The following RANGAP1 variants were observed in gnomAD, a reference collection of about 807,000 sequenced individuals.
The protein encoded by RANGAP1 is Ran GTPase activating protein 1.
Under a neutral mutation model 63.5 loss-of-function variants are expected in RANGAP1, and 38 were observed. That is an observed-to-expected ratio of 0.60 (90% CI 0.46 to 0.78). RANGAP1 has a LOEUF of 0.78. RANGAP1 is among the 30% of genes least tolerant of loss of function. The pLI is 0.00. For synonymous variants in RANGAP1, 329 were observed against 310.5 expected (o/e 1.06, Z -0.63); for missense variants, 630 against 740.3 (o/e 0.85, Z 1.73).
At chr22:41,252,159 C>T (rs1484281655) in intron 12 of RANGAP1, among the ~76,000 whole-genome samples, 1 of 151,932 alleles carries the variant, frequency 6.6e-6, no homozygotes, top group African/African-American at 2.4e-5. Context: ...GGTGAAACCT[C>T]GTCTCTACTA....
chr22:41,250,391 G>A (rs748342899), intron 13 of RANGAP1, among the ~76,000 whole-genome samples: 1 of 152,158 alleles, frequency 6.6e-6, no homozygotes, highest in Non-Finnish European at 1.5e-5. Context: ...TCCAGGAACC[G>A]TCCCCCTCGC....
chr22:41,296,684 C>T, the RANGAP1 span, among the ~76,000 whole-genome samples: 6 of 150,546 alleles, frequency 4.0e-5, no homozygotes, highest in Non-Finnish European at 8.8e-5. Flanking sequence ...TATATCAATG[C>T]TATGCATATA....
In RANGAP1 at chr22:41,264,736, G is replaced by A. The variant is rs143240677; in HGVS notation, c.408C>T (p.Leu136=). The A allele has an allele frequency of 1.2e-6, 2 of 1,614,108 alleles. No homozygotes were observed. The highest frequency in any genetic ancestry group is 2.2e-5 in the South Asian group (2 of 91,080). Reference sequence around the variant, plus strand: ...GCAGGGTGAAGCAGGCTGAGCTCTTGAGCAGGGCCTCGAAGCCTTGCACAC... The same window carrying A: ...GCAGGGTGAAGCAGGCTGAGCTCTTAAGCAGGGCCTCGAAGCCTTGCACAC... ...PDGVQGFEAL[L]KSSACFTLQE... The change falls in exon 5 of 16, where the codon CTC becomes CTT. Residue 136 remains leucine (L), a synonymous_variant. Coordinates refer to ENST00000356244, the MANE Select transcript of RANGAP1 (RefSeq NM_002883.4).
intron 11 of RANGAP1, 73 bp downstream of exon 11, chr22:41,254,235 C>G: frequency 6.4e-7 from 1 of 1,555,564 alleles, no homozygotes; most frequent in Non-Finnish European, 8.9e-7. Flanking sequence ...CCCCCTACCC[C>G]ATTGTGAAAG....
chr22:41,289,990 A>T (rs906159564), upstream of RANGAP1, among the ~76,000 whole-genome samples: 1 of 151,928 alleles, frequency 6.6e-6, no homozygotes, highest in African/African-American at 2.4e-5. Context: ...TACTAAAAAC[A>T]ATTAGCCAGG....
intron 4 of RANGAP1, among the ~76,000 whole-genome samples, chr22:41,266,197 G>T (rs1430133909): frequency 1.7e-5 from 2 of 117,662 alleles, no homozygotes; most frequent in South Asian, 5.9e-4. Flanking sequence ...GTGAGACTCC[G>T]CCTCAAAAAA....
intron 3 of RANGAP1, 138 bp from the exon 4 acceptor site, chr22:41,268,294 T>G: frequency 6.8e-6 from 5 of 731,344 alleles, no homozygotes; most frequent in South Asian, 6.8e-5. Context: ...TCGCTCTTGT[T>G]GCCCAGGCTG....
At chr22:41,281,983 G>C (rs2035517982) in intron 1 of RANGAP1, 2 of 152,202 alleles carry the variant, frequency 1.3e-5, no homozygotes, top group Admixed American at 6.6e-5. Context: ...AATTAGCAGG[G>C]TATGGTGGTG....
At chr22:41,301,002 G>C in the RANGAP1 span, among the ~76,000 whole-genome samples, 1 of 151,964 alleles carries the variant, frequency 6.6e-6, no homozygotes, top group Non-Finnish European at 1.5e-5. Context: ...TACTCTCCCT[G>C]ACCGCAAAAC....
chr22:41,288,567 G>T (rs1362158721), upstream of RANGAP1, among the ~76,000 whole-genome samples: 1 of 152,120 alleles, frequency 6.6e-6, no homozygotes, highest in Non-Finnish European at 1.5e-5. Flanking sequence ...TGATCCGCAG[G>T]CTCCCTTTTC....
intron 5 of RANGAP1, among the ~76,000 whole-genome samples, chr22:41,262,706 A>G (rs920769612): frequency 3.3e-5 from 5 of 152,200 alleles, no homozygotes; most frequent in Non-Finnish European, 7.3e-5. Context: ...AACTTCTGCC[A>G]AAGACCAGCC....
intron 3 of RANGAP1, among the ~76,000 whole-genome samples, chr22:41,270,196 A>C (rs1240016060): frequency 6.6e-6 from 1 of 151,594 alleles, no homozygotes; most frequent in African/African-American, 2.4e-5. Flanking sequence ...GCTAGAGTGC[A>C]ATGGCCTGAT....
At chr22:41,281,774 G>T (rs1454310370) in intron 1 of RANGAP1, 4 of 393,566 alleles carry the variant, frequency 1.0e-5, no homozygotes, top group African/African-American at 2.2e-5. Flanking sequence ...AGAAGATTTG[G>T]GTAGAAATGG....
chr22:41,278,174 G>A (rs531540635), intron 2 of RANGAP1, among the ~76,000 whole-genome samples: 25 of 152,168 alleles, frequency 1.6e-4, no homozygotes, highest in Admixed American at 9.8e-4. Context: ...GAGTAGCTGG[G>A]ATTACAGGTG....
chr22:41,260,629 C>T (rs926734097), intron 6 of RANGAP1, among the ~76,000 whole-genome samples: 3 of 152,172 alleles, frequency 2.0e-5, no homozygotes, highest in Non-Finnish European at 2.9e-5. Flanking sequence ...GGGCAGATCA[C>T]TTGAGGTCAG....
At chr22:41,292,924 C>G in the RANGAP1 span, among the ~76,000 whole-genome samples, 1 of 147,922 alleles carries the variant, frequency 6.8e-6, no homozygotes, top group Non-Finnish European at 1.5e-5. Flanking sequence ...GGCAACACAG[C>G]AAAACTCTGT....
intron 15 of RANGAP1, among the ~76,000 whole-genome samples, chr22:41,249,026 A>G (rs547513961): frequency 6.6e-6 from 1 of 152,302 alleles, no homozygotes; most frequent in African/African-American, 2.4e-5. Flanking sequence ...GCGTGTGACC[A>G]AGGGAAACTC....
chr22:41,280,567 G>A (rs2035438326), intron 2 of RANGAP1: 1 of 889,662 alleles, frequency 1.1e-6, no homozygotes, highest in African/African-American at 1.7e-5. Flanking sequence ...GCTATTCCCA[G>A]GCCTGCCTGG....
Position 41,254,487 on chromosome 22 carries a change from C to T in RANGAP1, c.1081G>A (p.Glu361Lys), listed in dbSNP as rs2033691048. 1.3e-6 allele frequency: 2 copies of T among 1,590,934 alleles called. No individual in the cohort carries two copies. Among genetic ancestry groups the T allele is most frequent in the Non-Finnish European group, 8.5e-7 (1 of 1,172,664 alleles). The stretch of plus-strand genomic sequence containing the variant: ...CCTTCCTCCTCCTCCTCCTCGTCCT[C>T]GTCATCACTGCAGAAAGAGCTGGCT... ...AKVLASLSDD[E>K]DEEEEEEGEE... The change falls in exon 11 of 16, where the codon GAG (glutamate) becomes AAG (lysine). Residue 361 changes from glutamate to lysine, a missense_variant. Glu to Lys is a moderately conservative substitution (Grantham distance 56, BLOSUM62 1). Transcript: ENST00000356244.
Sources: gnomAD v4.1 joint callset for allele counts (sites outside exome capture counted in the v4.1 genomes callset) on GRCh38, gnomAD v4.1.1 for gene constraint, MANE v1.5 for transcripts, NCBI Gene and HGNC (gene_info 2026-07-23, HGNC 2026-07-21) for gene names.